Variants in RASA4B observed in about 807,000 individuals in gnomAD.
The protein encoded by RASA4B is RAS p21 protein activator 4B, also known as ras GTPase-activating protein 4B.
RASA4B carries 2 observed loss-of-function variants against 24.2 expected under a neutral mutation model. The observed-to-expected ratio is 0.08, with a 90% CI of 0.03 to 0.26. The LOEUF is 0.26. Among genes scored for constraint, RASA4B ranks in the 10% least tolerant of loss-of-function variants. The pLI, the probability that RASA4B is intolerant of heterozygous loss-of-function variation, is 1.00. For missense variants in RASA4B, 8 were observed against 277.2 expected (o/e 0.03, Z 6.90); for synonymous variants, 2 against 125.6 (o/e 0.02, Z 6.58).
intron 16 of RASA4B, among the ~76,000 whole-genome samples, chr7:102,492,801 A>T (rs1327037190): frequency 3.2e-5 from 4 of 123,980 alleles, no homozygotes; most frequent in African/African-American, 9.9e-5. Flanking sequence ...AGTAGCTGGG[A>T]CTACAGGCAC....
At chr7:102,498,408 C>T (rs1176337702) in intron 8 of RASA4B, among the ~76,000 whole-genome samples, 6 of 136,760 alleles carry the variant, frequency 4.4e-5, no homozygotes, top group African/African-American at 1.6e-4. Context: ...ATTAGAGGTG[C>T]CCGCCACCAC....
chr7:102,480,143 T>TC lies in RASA4B; in HGVS notation c.*3448dup, dbSNP rs1210274703. ...TGCCCGGACAGGGCCACCAGAGGGC[T>TC]CCTTGGTCTAGCGGTAACGCCAGCA... On this transcript the variant is annotated 3_prime_UTR_variant, in exon 21 of 21. Coordinates refer to ENST00000465829, the MANE Select transcript of RASA4B (RefSeq NM_001367767.2). Among the ~76,000 whole-genome samples the TC allele has an allele frequency of 6.6e-6, 1 of 152,106 alleles. No homozygotes were observed. The highest frequency in any genetic ancestry group is 2.4e-5 in the African/African-American group (1 of 41,428).
rs1324525483 is a variant in RASA4B at position 102,504,700 on chromosome 7, C to CA, written c.429-1457_429-1456insT. 7.8e-5 allele frequency among the ~76,000 whole-genome samples: 6 copies of CA among 76,920 alleles called. No individual in the cohort carries two copies. The East Asian group carries it at 2.4e-3, about 30-fold the overall frequency. 50.5% of individuals were successfully genotyped at this position (76,920 alleles called of 152,430 possible). A position where few individuals can be genotyped will look rare whatever the true frequency, so the allele number is the denominator to read the frequency against. On this transcript the variant is annotated intron_variant, in intron 5 of 20. Transcript: ENST00000465829. The stretch of plus-strand genomic sequence containing the variant: ...GCCTCAAAAAAAAAAAAAAAACCCA[C>CA]CAAAAAAAAAAAAAACAGCCCGGGT...
At chr7:102,487,130 A>AT (rs1798755051) in intron 18 of RASA4B, among the ~76,000 whole-genome samples, 1 of 51,280 alleles carries the variant, frequency 2.0e-5, no homozygotes, top group Non-Finnish European at 5.2e-5. Flanking sequence ...CTCTAAAACA[A>AT]TTTTTTTTAA....
chr7:102,480,237 C>A lies in RASA4B; in HGVS notation c.*3355G>T, dbSNP rs1038953412. On this transcript the variant is annotated 3_prime_UTR_variant, in exon 21 of 21. Coordinates refer to ENST00000465829, the MANE Select transcript of RASA4B (RefSeq NM_001367767.2). ...AGCGTTAGTGTCAAGGAAAAACACCCGCTACTTAGCAGACCAGGAAAGGGA... is the reference window on the plus strand; with the variant it reads ...AGCGTTAGTGTCAAGGAAAAACACCAGCTACTTAGCAGACCAGGAAAGGGA... Among the ~76,000 whole-genome samples the A allele has an allele frequency of 6.6e-6, 1 of 152,150 alleles. No individual in the cohort carries two copies. The highest frequency in any genetic ancestry group is 2.4e-5 in the African/African-American group (1 of 41,444).
At chr7:102,500,522 C>G (rs1460419747) in intron 8 of RASA4B, among the ~76,000 whole-genome samples, 177 bp downstream of exon 8, 7 of 140,736 alleles carry the variant, frequency 5.0e-5, no homozygotes, top group African/African-American at 1.5e-4. Context: ...GGAGGTGGAG[C>G]CCAGCCAGGA....
In RASA4B at chr7:102,479,983, T is replaced by G. The variant is rs1185267987; in HGVS notation, c.*3609A>C. ...TGAATCATTAATCATTAGTTTGTAG[T>G]AATTATTCTTTATTCCAATATTATA... On this transcript the variant is annotated 3_prime_UTR_variant, in exon 21 of 21. Coordinates refer to ENST00000465829, the MANE Select transcript of RASA4B (RefSeq NM_001367767.2). Among the ~76,000 whole-genome samples, 5 of 152,172 alleles carry G rather than the reference T, an allele frequency of 3.3e-5. No individual in the cohort carries two copies. Among genetic ancestry groups the G allele is most frequent in the African/African-American group, 4.8e-5 (2 of 41,466 alleles).
intron 5 of RASA4B, among the ~76,000 whole-genome samples, chr7:102,504,894 G>A (rs1427471492): frequency 2.9e-5 from 4 of 136,734 alleles, no homozygotes; most frequent in African/African-American, 8.4e-5. Flanking sequence ...CCAGCTACTA[G>A]GAAGGCTGAG....
chr7:102,504,791 G>A (rs1447757819), intron 5 of RASA4B, among the ~76,000 whole-genome samples: 1 of 145,340 alleles, frequency 6.9e-6, no homozygotes, highest in Non-Finnish European at 1.5e-5. Flanking sequence ...CCTGAGGGCA[G>A]GAGTTTGAGA....
chr7:102,496,822 TCCC>T, intron 9 of RASA4B, 22 bp downstream of exon 9: 1 of 539,946 alleles, frequency 1.9e-6, no homozygotes, highest in Non-Finnish European at 3.6e-6. Context: ...CACTGGACCC[TCCC>T]ACCCTGCCCA....
At chr7:102,494,383 T>TG (rs1242251879) in intron 14 of RASA4B, among the ~76,000 whole-genome samples, 155 bp downstream of exon 14, 1 of 114,570 alleles carries the variant, frequency 8.7e-6, no homozygotes, top group Non-Finnish European at 2.2e-5. Flanking sequence ...TCGGACAAGG[T>TG]GGCCACAGGA....
At chr7:102,489,499 ATTT>A (rs1798825261) in intron 17 of RASA4B, among the ~76,000 whole-genome samples, 1 of 133,100 alleles carries the variant, frequency 7.5e-6, no homozygotes, top group Non-Finnish European at 1.6e-5. Flanking sequence ...TAATTAATTT[ATTT>A]ATTTATTTTG....
chr7:102,491,491 G>A (rs1299511606), intron 16 of RASA4B, among the ~76,000 whole-genome samples: 2 of 53,010 alleles, frequency 3.8e-5, no homozygotes, highest in African/African-American at 6.1e-5. Flanking sequence ...ATCCTGACCG[G>A]GCGCAGTGGC....
intron 17 of RASA4B, among the ~76,000 whole-genome samples, chr7:102,489,812 G>C (rs1798860572): frequency 8.5e-6 from 1 of 117,078 alleles, no homozygotes; most frequent in Non-Finnish European, 1.8e-5. Flanking sequence ...TTAAGAGACA[G>C]GGTCTCACTC....
At chr7:102,489,603 C>T (rs1356011048) in intron 17 of RASA4B, among the ~76,000 whole-genome samples, 212 of 148,168 alleles carry the variant, frequency 1.4e-3, no homozygotes, top group African/African-American at 5.0e-3. Context: ...AGCGATTCTC[C>T]TGCCTCAGCC....
At chr7:102,503,007 G>A (rs1799374628) in intron 6 of RASA4B, among the ~76,000 whole-genome samples, 156 bp downstream of exon 6, 1 of 33,770 alleles carries the variant, frequency 3.0e-5, no homozygotes, top group African/African-American at 6.3e-5. Flanking sequence ...TGTCCCCTCA[G>A]AGAGGTCGCC....
chr7:102,492,825 C>T (rs1300787243), intron 16 of RASA4B, among the ~76,000 whole-genome samples: 5 of 138,132 alleles, frequency 3.6e-5, no homozygotes, highest in Admixed American at 7.6e-5. Flanking sequence ...CCACCACACC[C>T]GGCTGATTTT....
chr7:102,495,724 G>GT (rs1799089897), intron 11 of RASA4B, among the ~76,000 whole-genome samples: 8 of 52,944 alleles, frequency 1.5e-4, no homozygotes, highest in Admixed American at 2.3e-4. Context: ...GGGGGGGGGG[G>GT]GGTGCGGGGC....
intron 8 of RASA4B, among the ~76,000 whole-genome samples, chr7:102,497,266 G>A (rs1415349208): frequency 1.3e-5 from 2 of 151,624 alleles, no homozygotes; most frequent in Admixed American, 6.6e-5. Flanking sequence ...TCAACTCCCA[G>A]ATAATGGCAC....
Sources: gnomAD v4.1 joint callset for allele counts (sites outside exome capture counted in the v4.1 genomes callset) on GRCh38, gnomAD v4.1.1 for gene constraint, MANE v1.5 for transcripts, NCBI Gene and HGNC (gene_info 2026-07-23, HGNC 2026-07-21) for gene names.